Variants in LMLN observed in about 807,000 individuals in gnomAD.
LMLN encodes the protein leishmanolysin-like peptidase.
LMLN carries 70 observed loss-of-function variants against 92.3 expected under a neutral mutation model. That is an observed-to-expected ratio of 0.76 (90% CI 0.63 to 0.92). The LOEUF (loss-of-function observed/expected upper bound fraction) is 0.92, where lower values mean the gene tolerates loss of function less well. Ranked by LOEUF, LMLN falls within the 40% of genes least tolerant of loss-of-function variation. The pLI is 0.00. For synonymous variants in LMLN, 308 were observed against 296.2 expected, an observed-to-expected ratio of 1.04 and a Z score of -0.41; for missense variants, 691 against 814.6, an observed-to-expected ratio of 0.85 and a Z score of 1.85.
At chr3:197,994,053 A>C (rs1280591430) in intron 9 of LMLN, among the ~76,000 whole-genome samples, 1 of 152,216 alleles carries the variant, frequency 6.6e-6, no homozygotes, top group Admixed American at 6.5e-5. Flanking sequence ...TGTTGGGAGA[A>C]CTGGATATCC....
intron 10 of LMLN, 105 bp from the exon 11 acceptor site, chr3:197,999,161 C>A: frequency 1.3e-6 from 1 of 775,868 alleles, no homozygotes; most frequent in Non-Finnish European, 2.2e-6. Flanking sequence ...GTCTTGTCAG[C>A]CTCTCACAGT....
At chr3:197,971,885 A>G (rs76133839) in intron 1 of LMLN, among the ~76,000 whole-genome samples, 9,658 of 144,586 alleles carry the variant, frequency 0.067, 374 homozygotes, top group African/African-American at 0.1. Flanking sequence ...TCCTGTCCTT[A>G]TAGGACTCTA....
intron 12 of LMLN, among the ~76,000 whole-genome samples, chr3:198,021,098 ATGT>A (rs1722769653): frequency 1.3e-5 from 2 of 152,188 alleles, no homozygotes; most frequent in Non-Finnish European, 2.9e-5. Flanking sequence ...TTTATTTAAA[ATGT>A]TGTAACTTTA....
At chr3:198,024,627 T>C in intron 13 of LMLN, 31 bp from the exon 15 acceptor site, 1 of 1,531,584 alleles carries the variant, frequency 6.5e-7, no homozygotes, top group Middle Eastern at 1.7e-4. Context: ...CAAAAGTCAA[T>C]TTTTAAGGAG....
chr3:198,034,636 A>T (rs1200098441), intron 14 of LMLN, among the ~76,000 whole-genome samples: 2 of 152,184 alleles, frequency 1.3e-5, no homozygotes, highest in African/African-American at 4.8e-5. Flanking sequence ...TTAAAATTTT[A>T]AAAAATTACT....
chr3:197,974,849 A>G (rs1721323471), intron 2 of LMLN, among the ~76,000 whole-genome samples, 193 bp from the exon 3 acceptor site: 1 of 152,248 alleles, frequency 6.6e-6, no homozygotes, highest in African/African-American at 2.4e-5. Context: ...CTCTCATGAG[A>G]AAGAATTAGA....
chr3:197,982,186 T>C (rs1404481905), intron 6 of LMLN, among the ~76,000 whole-genome samples: 1 of 151,918 alleles, frequency 6.6e-6, no homozygotes, highest in East Asian at 1.9e-4. Context: ...GTTAACTAAC[T>C]TCTCCTAGAT....
At chr3:197,997,471 T>C (rs1722059861) in intron 10 of LMLN, among the ~76,000 whole-genome samples, 1 of 152,196 alleles carries the variant, frequency 6.6e-6, no homozygotes, top group Non-Finnish European at 1.5e-5. Context: ...GCAGCAATAA[T>C]AACCCATGGT....
intron 3 of LMLN, among the ~76,000 whole-genome samples, chr3:197,975,434 C>T (rs1036766170): frequency 1.3e-5 from 2 of 152,154 alleles, no homozygotes; most frequent in Non-Finnish European, 2.9e-5. Flanking sequence ...GATTGATTTA[C>T]CTGATAACCA....
chr3:198,026,039 C>T (rs1157847835), intron 14 of LMLN, among the ~76,000 whole-genome samples: 2 of 152,048 alleles, frequency 1.3e-5, no homozygotes, highest in Non-Finnish European at 2.9e-5. Context: ...ACTGCAGCCA[C>T]GAACTCCCAG....
At chr3:197,971,430 C>A (rs1456129777) in intron 1 of LMLN, among the ~76,000 whole-genome samples, 3 of 152,202 alleles carry the variant, frequency 2.0e-5, no homozygotes, top group African/African-American at 7.2e-5. Flanking sequence ...GATCCAGTCA[C>A]CTCCTTCCCT....
At chr3:198,001,192 A>G (rs755469953) in intron 11 of LMLN, among the ~76,000 whole-genome samples, 8 of 152,020 alleles carry the variant, frequency 5.3e-5, no homozygotes, top group Non-Finnish European at 1.0e-4. Context: ...CACACTTCAA[A>G]TGTTTTGTTT....
intron 11 of LMLN, among the ~76,000 whole-genome samples, chr3:198,016,792 G>A (rs1722652855): frequency 6.6e-6 from 1 of 152,086 alleles, no homozygotes; most frequent in African/African-American, 2.4e-5. Context: ...ATTCTCTCCT[G>A]TCCTTTGATT....
intron 2 of LMLN, 53 bp downstream of exon 2, chr3:197,974,527 G>A: frequency 3.0e-6 from 3 of 985,754 alleles, no homozygotes; most frequent in Non-Finnish European, 4.5e-6. Context: ...AAATGTTAAA[G>A]ATATTTTTGT....
rs192315237 is a variant in LMLN, at chr3:197,990,527, G to C, written c.930-32G>C. The C allele has an allele frequency of 1.5e-3, 1,332 of 913,360 alleles. 7 individuals are homozygous for C. Among genetic ancestry groups the C allele is most frequent in the South Asian group, 1.4e-3 (98 of 67,652 alleles). The allele number at this position is 913,360 out of a possible 1,614,324, so 56.6% of individuals were successfully genotyped here. On this transcript the variant is annotated intron_variant, in intron 8 of 15. Transcript: ENST00000330198. Reference sequence around the variant, plus strand: ...TTATATTTAAAATGGTGAATTTTCAGTAATAATTGTGTTTTAATTCTATAA... The same window carrying C: ...TTATATTTAAAATGGTGAATTTTCACTAATAATTGTGTTTTAATTCTATAA...
At chr3:198,014,772 C>T (rs1440744290) in intron 11 of LMLN, among the ~76,000 whole-genome samples, 4 of 133,984 alleles carry the variant, frequency 3.0e-5, no homozygotes, top group East Asian at 2.2e-4. Flanking sequence ...CTTCAGAGCC[C>T]CCTAACTAGT....
Position 198,019,197 on chromosome 3 carries a change from G to A in LMLN, c.1233-56G>A. 6.6e-7 allele frequency: 1 copy of A among 1,526,684 alleles called. No individual in the cohort carries two copies. The highest frequency in any genetic ancestry group is 8.9e-7 in the Non-Finnish European group (1 of 1,128,226). The allele number at this position is 1,526,684 out of a possible 1,614,324, so 94.6% of individuals were successfully genotyped here. On this transcript the variant is annotated intron_variant, in intron 11 of 15. Transcript: ENST00000330198. This position sits in a 1 kb window ranked among gnomAD's most constrained non-coding sequence, Gnocchi z 5.5. ...GAATTCCATTTGTTGGCTGTATAAT[G>A]GACTTGCAGTATTTTCTTTAAAGTT... is the stretch of plus-strand genomic sequence containing the variant.
intron 11 of LMLN, among the ~76,000 whole-genome samples, chr3:198,016,589 T>C (rs749404946): frequency 3.3e-5 from 5 of 152,226 alleles, no homozygotes; most frequent in Non-Finnish European, 5.9e-5. Flanking sequence ...ACTGTTCCGG[T>C]GTGTCAAAGG....
intron 11 of LMLN, among the ~76,000 whole-genome samples, chr3:198,008,272 C>G (rs1398682196): frequency 6.6e-6 from 1 of 151,906 alleles, no homozygotes; most frequent in Non-Finnish European, 1.5e-5. Context: ...TAAACTTGAT[C>G]TTTTTCAAAT....
Sources: allele counts gnomAD v4.1 joint callset (sites outside exome capture counted in the v4.1 genomes callset), GRCh38; gene constraint gnomAD v4.1.1; non-coding constraint Gnocchi (gnomAD v3.1); transcripts MANE v1.5; gene names NCBI Gene and HGNC (gene_info 2026-07-23, HGNC 2026-07-21).